The following FSTL5 variants were observed in gnomAD, a reference collection of about 807,000 sequenced individuals.
The protein encoded by FSTL5 is follistatin like 5, also known as follistatin-related protein 5.
In FSTL5, 62 loss-of-function variants were observed where a neutral mutation model predicts 89.1. That is an observed-to-expected ratio of 0.70 (90% CI 0.57 to 0.86). FSTL5 has a LOEUF of 0.86. FSTL5 is among the 40% of genes least tolerant of loss of function. FSTL5 has a pLI of 0.00. For missense variants in FSTL5, 1,057 were observed against 1,001.6 expected (o/e 1.06, Z -0.75); for synonymous variants, 383 against 346.2 (o/e 1.11, Z -1.18).
intron 2 of FSTL5, among the ~76,000 whole-genome samples, chr4:162,038,233 C>T (rs1474815679): frequency 6.6e-6 from 1 of 151,788 alleles, no homozygotes. Flanking sequence ...GCAAACTATT[C>T]GTGTTTTACA....
chr4:161,917,291 C>T (rs1733868330), intron 4 of FSTL5, among the ~76,000 whole-genome samples: 1 of 152,160 alleles, frequency 6.6e-6, no homozygotes, highest in Non-Finnish European at 1.5e-5. Context: ...AAATATAAAT[C>T]TGATATAAAC....
At chr4:161,619,421 T>C (rs961547025) in intron 7 of FSTL5, among the ~76,000 whole-genome samples, 1 of 152,050 alleles carries the variant, frequency 6.6e-6, no homozygotes, top group African/African-American at 2.4e-5. Flanking sequence ...AAATGGGAGA[T>C]AATTTTCCCA....
intron 8 of FSTL5, among the ~76,000 whole-genome samples, chr4:161,572,509 G>T (rs1055478736): frequency 1.3e-5 from 2 of 151,904 alleles, no homozygotes; most frequent in African/African-American, 4.8e-5. Flanking sequence ...CTCACTGAAG[G>T]GCTCCAAGGC....
intron 6 of FSTL5, among the ~76,000 whole-genome samples, chr4:161,754,527 T>C (rs555913353): frequency 1.3e-5 from 2 of 152,290 alleles, no homozygotes; most frequent in South Asian, 2.1e-4. Context: ...TAAGGTTTAG[T>C]ACTACAGTCA....
At chr4:161,714,829 T>C (rs1267709238) in intron 6 of FSTL5, among the ~76,000 whole-genome samples, 1 of 150,286 alleles carries the variant, frequency 6.7e-6, no homozygotes, top group African/African-American at 2.5e-5. Context: ...TTAATTGAGA[T>C]TTTTTTCATA....
At chr4:161,808,575 C>T (rs975356986) in intron 4 of FSTL5, among the ~76,000 whole-genome samples, 4 of 151,850 alleles carry the variant, frequency 2.6e-5, no homozygotes, top group South Asian at 4.1e-4. Flanking sequence ...AGAAAACCTG[C>T]GTGACATTGG....
intron 6 of FSTL5, among the ~76,000 whole-genome samples, chr4:161,720,341 C>T (rs1739151760): frequency 6.6e-6 from 1 of 151,792 alleles, no homozygotes; most frequent in Admixed American, 6.6e-5. Context: ...GTTACGATAG[C>T]ATTATTTTTT....
At chr4:161,527,949 G>A in intron 10 of FSTL5, among the ~76,000 whole-genome samples, 1 of 149,206 alleles carries the variant, frequency 6.7e-6, no homozygotes, top group East Asian at 2.0e-4. Context: ...TATACACCAT[G>A]GAATACTATG....
chr4:161,579,731 C>CAAA lies in FSTL5; in HGVS notation c.1015+7721_1015+7723dup, dbSNP rs33926609. ...GACCATTTCAAAAAACAAAAACAAA[C>CAAA]AAAAAAAAAAAAAGAAAGAAAAAGA... On this transcript the variant is annotated intron_variant, in intron 8 of 15. Coordinates refer to ENST00000306100, the MANE Select transcript of FSTL5 (RefSeq NM_020116.5). Among the ~76,000 whole-genome samples the CAAA allele has an allele frequency of 2.2e-3, 220 of 98,840 alleles. 1 individual carries two copies. The highest frequency in any genetic ancestry group is 3.8e-3 in the African/African-American group (115 of 29,936). The allele number at this position is 98,840 out of a possible 152,430, so 64.8% of individuals were successfully genotyped here. A position where few individuals can be genotyped will look rare whatever the true frequency, so the allele number is the denominator to read the frequency against.
chr4:161,976,117 CAAAAAAAAAA>C (rs371745777), intron 3 of FSTL5, among the ~76,000 whole-genome samples: 6 of 65,380 alleles, frequency 9.2e-5, no homozygotes, highest in East Asian at 8.4e-4. Flanking sequence ...GACTCCGCCT[CAAAAAAAAAA>C]AAAAAAAAAA....
chr4:161,612,372 T>C (rs987690109), intron 7 of FSTL5, among the ~76,000 whole-genome samples: 1 of 152,220 alleles, frequency 6.6e-6, no homozygotes, highest in Non-Finnish European at 1.5e-5. Flanking sequence ...TGTTGTGTTG[T>C]TCAGTCAAGG....
intron 1 of FSTL5, among the ~76,000 whole-genome samples, chr4:162,153,171 A>ACT (rs1442007621): frequency 6.6e-6 from 1 of 152,106 alleles, no homozygotes; most frequent in Admixed American, 6.6e-5. Flanking sequence ...TTACTGGATG[A>ACT]TAAACTCTTT....
intron 15 of FSTL5, among the ~76,000 whole-genome samples, chr4:161,411,330 T>A (rs561468171): frequency 2.6e-5 from 4 of 151,932 alleles, no homozygotes; most frequent in Non-Finnish European, 5.9e-5. Flanking sequence ...TCCTAACTTA[T>A]TCTATGAAGC....
chr4:161,814,256 T>A (rs1005518621), intron 4 of FSTL5, among the ~76,000 whole-genome samples: 6 of 152,128 alleles, frequency 3.9e-5, no homozygotes, highest in African/African-American at 1.4e-4. Flanking sequence ...GAAAGTCTCA[T>A]TAAACAATTA....
chr4:161,654,848 A>T (rs1736462590), intron 7 of FSTL5, among the ~76,000 whole-genome samples: 1 of 152,066 alleles, frequency 6.6e-6, no homozygotes, highest in African/African-American at 2.4e-5. Context: ...TAAGCACACA[A>T]TTTTTACTTT....
intron 15 of FSTL5, among the ~76,000 whole-genome samples, chr4:161,432,427 A>T (rs1000651373): frequency 6.6e-6 from 1 of 152,070 alleles, no homozygotes; most frequent in Non-Finnish European, 1.5e-5. Context: ...AAAACACAAC[A>T]TACCTAAATC....
At chr4:161,545,246 C>G (rs1323565631) in intron 8 of FSTL5, among the ~76,000 whole-genome samples, 1 of 152,020 alleles carries the variant, frequency 6.6e-6, no homozygotes, top group East Asian at 1.9e-4. Context: ...GTTTCTCCCT[C>G]AAGAATAGTT....
intron 1 of FSTL5, among the ~76,000 whole-genome samples, chr4:162,139,357 A>G (rs1732637885): frequency 6.6e-6 from 1 of 152,068 alleles, no homozygotes; most frequent in African/African-American, 2.4e-5. Flanking sequence ...GGACAATTGG[A>G]AGGGCCAAGA....
At chr4:162,091,698 CT>C (rs943432483) in intron 2 of FSTL5, among the ~76,000 whole-genome samples, 32 of 152,022 alleles carry the variant, frequency 2.1e-4, no homozygotes, top group African/African-American at 7.7e-4. Context: ...GTTGCCACCC[CT>C]GTCTCATGCA....
Sources: gnomAD v4.1 joint callset for allele counts (sites outside exome capture counted in the v4.1 genomes callset) on GRCh38, gnomAD v4.1.1 for gene constraint, MANE v1.5 for transcripts, NCBI Gene and HGNC (gene_info 2026-07-23, HGNC 2026-07-21) for gene names.